The following PELI3 variants were observed in gnomAD, a reference collection of about 807,000 sequenced individuals.
PELI3 encodes E3 ubiquitin-protein ligase pellino homolog 3.
PELI3 carries 19 observed loss-of-function variants against 35.5 expected under a neutral mutation model. The ratio of observed to expected loss-of-function variants is 0.54; its 90% confidence interval spans 0.37 to 0.79. PELI3 has a LOEUF of 0.79. PELI3 is among the 30% of genes least tolerant of loss of function. PELI3 has a pLI of 0.00. For synonymous variants in PELI3, 262 were observed against 279.2 expected (o/e 0.94, Z 0.62); for missense variants, 490 against 661.2 (o/e 0.74, Z 2.84).
chr11:66,476,158 G>T lies in PELI3; in HGVS notation c.1401G>T (p.Pro467=), dbSNP rs745997594. ...GCGTCCGCCTCATTTTCCAGGGCCC[G>T]CTGGATTAGGCTCCCTGGGGCCCCC... ...HGCVRLIFQG[P]LD Residue 467 remains proline (P), a synonymous_variant, in exon 8 of 8, where the codon CCG becomes CCT. Coordinates refer to ENST00000320740, the MANE Select transcript of PELI3 (RefSeq NM_145065.3). 5.2e-6 allele frequency: 8 copies of T among 1,546,582 alleles called. No homozygotes were observed. In the African/African-American group the frequency reaches 5.4e-5, roughly 11 times the overall value.
In PELI3 at chr11:66,472,478, C is replaced by CA; in HGVS notation, c.456+9dup. 1 of 1,609,192 alleles carries CA rather than the reference C, an allele frequency of 6.2e-7. No homozygotes were observed. Among genetic ancestry groups the CA allele is most frequent in the East Asian group, 2.2e-5 (1 of 44,868 alleles). On this transcript the variant is annotated intron_variant, in intron 5 of 7. Transcript: ENST00000320740. Reference sequence around the variant, plus strand: ...GACACAGACATGTTCCAGGTATGCTCAGGCCTCTCCACACACCTCCTGGCC... The same window carrying CA: ...GACACAGACATGTTCCAGGTATGCTCAAGGCCTCTCCACACACCTCCTGGCC...
chr11:66,472,535 G>A, intron 5 of PELI3, 65 bp downstream of exon 5: 1 of 1,394,548 alleles, frequency 7.2e-7, no homozygotes, highest in Non-Finnish European at 1.0e-6. Flanking sequence ...AGCATTTCAG[G>A]TGAGGCTACG....
chr11:66,476,175 G>T lies in PELI3; in HGVS notation c.*8G>T, dbSNP rs779064973. On this transcript the variant is annotated 3_prime_UTR_variant, in exon 8 of 8. Transcript: ENST00000320740. ...CAGGGCCCGCTGGATTAGGCTCCCT[G>T]GGGCCCCCTGCTGCTGTGCCCACCT... The T allele has an allele frequency of 7.8e-6, 12 of 1,535,852 alleles. No homozygotes were observed. In the South Asian group the frequency reaches 1.4e-4, roughly 18 times the overall value.
Position 66,473,874 on chromosome 11 carries a change from G to T in PELI3, c.789G>T (p.Gly263=), listed in dbSNP as rs1380658305. ...TCTGGCGGGAGATCTCGGTCTGTGG[G>T]AATGTGTACACATTGCGGGACAGCC... The part of the protein sequence containing the change: ...PGVWREISVC[G]NVYTLRDSRS... Residue 263 remains glycine (G), a synonymous_variant, in exon 7 of 8, where the codon GGG becomes GGT. Transcript: ENST00000320740. This position sits in a 1 kb window ranked among gnomAD's most constrained non-coding sequence, Gnocchi z 5.8. 6.2e-7 allele frequency: 1 copy of T among 1,613,774 alleles called. No homozygotes were observed. Among genetic ancestry groups the T allele is most frequent in the Non-Finnish European group, 8.5e-7 (1 of 1,180,012 alleles).
chr11:66,471,485 T>C, intron 4 of PELI3, 114 bp downstream of exon 4: 3 of 1,370,280 alleles, frequency 2.2e-6, no homozygotes, highest in Non-Finnish European at 2.0e-6. Context: ...GGGAGCCCAC[T>C]TTGTGTCATC....
Position 66,475,891 on chromosome 11 carries a change from C to T in PELI3, c.1134C>T (p.Gly378=), listed in dbSNP as rs755270762. Residue 378 remains glycine, a synonymous_variant, in exon 8 of 8, where the codon GGC becomes GGT. Transcript: ENST00000320740. ...GCTGGGGCTGCCGGCGGGAGCGGGG[C>T]CCCCAGGAGCGCGAATGTCCTCTCT... The part of the protein sequence containing the change: ...YHGWGCRRER[G]PQERECPLCR... 1.2e-5 allele frequency: 20 copies of T among 1,601,520 alleles called. No homozygotes were observed. The highest frequency in any genetic ancestry group is 2.2e-5 in the South Asian group (2 of 90,250).
At position 66,476,315 on chromosome 11, in the gene PELI3, A is replaced by G. The variant is rs952147926; in HGVS notation, c.*148A>G. On this transcript the variant is annotated 3_prime_UTR_variant, in exon 8 of 8. Transcript: ENST00000320740. The stretch of plus-strand genomic sequence containing the variant: ...TGGATGGGCTGTGCCCTTCCCCCCA[A>G]CTGTGGCCCCCCAAGGAGGTCCCCA... 1.0e-5 allele frequency: 9 copies of G among 877,936 alleles called. No individual in the cohort carries two copies. The highest frequency in any genetic ancestry group is 1.5e-5 in the Non-Finnish European group (9 of 592,336). 54.4% of individuals were successfully genotyped at this position (877,936 alleles called of 1,614,324 possible).
rs761939299 is a variant in PELI3, at chr11:66,475,762, C to T, written c.1005C>T (p.Gly335=). The change falls in exon 8 of 8, where the codon GGC becomes GGT. Residue 335 remains glycine, a synonymous_variant. Transcript: ENST00000320740. ...CAGCGCGGCCCCAGTGCCCCGTGGG[C>T]CTCAGCACTCTGGCCTTCCCCAGCC... ...ANAARPQCPV[G]LSTLAFPSPA... 7.5e-6 allele frequency: 12 copies of T among 1,610,496 alleles called. No homozygotes were observed. In the East Asian group the frequency reaches 1.3e-4, roughly 18 times the overall value.
chr11:66,471,203 C>T (rs765627235), intron 3 of PELI3, 39 bp from the exon 4 acceptor site: 10 of 1,582,186 alleles, frequency 6.3e-6, no homozygotes, highest in Admixed American at 3.4e-5. Context: ...TCTCTCTCTC[C>T]TCTTGCAACC....
upstream of PELI3, chr11:66,466,708 C>T (rs934394847): frequency 7.2e-5 from 11 of 152,246 alleles, no homozygotes; most frequent in African/African-American, 2.7e-4. Context: ...CTTCCCTGGT[C>T]AGAGGGCGGT....
rs377270939 is a variant in PELI3, at chr11:66,473,802, G to A, written c.717G>A (p.Leu239=). 20 of 1,613,864 alleles carry A rather than the reference G, an allele frequency of 1.2e-5. No homozygotes were observed. The highest frequency in any genetic ancestry group is 1.7e-5 in the Non-Finnish European group (20 of 1,180,018). ...ATGGACTGACCACCAATGGAGTCCT[G>A]GTGATGCACCCGGCAGGCGGCTTCT... The part of the protein sequence containing the change: ...LMDGLTTNGV[L]VMHPAGGFSE... The change falls in exon 7 of 8, where the codon CTG becomes CTA. Residue 239 remains leucine, a synonymous_variant. Transcript: ENST00000320740. The surrounding 1 kb of genome is among the most constrained non-coding windows in gnomAD (Gnocchi z 5.8).
intron 3 of PELI3, among the ~76,000 whole-genome samples, chr11:66,470,238 G>A (rs769152644): frequency 6.6e-6 from 1 of 152,150 alleles, no homozygotes; most frequent in African/African-American, 2.4e-5. Flanking sequence ...TCCTCAGCCT[G>A]GAGTTCAGAG....
chr11:66,473,877 T>C lies in PELI3; in HGVS notation c.792T>C (p.Asn264=). The part of the protein sequence containing the change: ...GVWREISVCG[N]VYTLRDSRSA... ...GGCGGGAGATCTCGGTCTGTGGGAA[T>C]GTGTACACATTGCGGGACAGCCGCT... The change falls in exon 7 of 8, where the codon AAT becomes AAC. Residue 264 remains asparagine, a synonymous_variant. Coordinates refer to ENST00000320740, the MANE Select transcript of PELI3 (RefSeq NM_145065.3). The surrounding 1 kb of genome is among the most constrained non-coding windows in gnomAD (Gnocchi z 5.8). 1.2e-6 allele frequency: 2 copies of C among 1,613,702 alleles called. No homozygotes were observed. Among genetic ancestry groups the C allele is most frequent in the South Asian group, 1.1e-5 (1 of 91,080 alleles).
chr11:66,472,199 G>A (rs1854745996), intron 4 of PELI3, 170 bp from the exon 5 acceptor site: 4 of 585,782 alleles, frequency 6.8e-6, no homozygotes, highest in Non-Finnish European at 9.2e-6. Flanking sequence ...TAGGGTGACT[G>A]TAGGGCTTAA....
rs964115786 is a variant in PELI3 at position 66,473,621 on chromosome 11, A to G, written c.652-116A>G. The G allele has an allele frequency of 2.8e-6, 4 of 1,414,224 alleles. No individual in the cohort carries two copies. The African/African-American group carries it at 5.8e-5, about 20-fold the overall frequency. The allele number at this position is 1,414,224 out of a possible 1,614,324, so 87.6% of individuals were successfully genotyped here. On this transcript the variant is annotated intron_variant, in intron 6 of 7. Transcript: ENST00000320740. This position sits in a 1 kb window ranked among gnomAD's most constrained non-coding sequence, Gnocchi z 5.8. The stretch of plus-strand genomic sequence containing the variant: ...GAGACGCTCAAGTCATGCAGCTTCA[A>G]TGCCAGTCCTCTCTGGGCCGCCTCT...
Position 66,473,629 on chromosome 11 carries a change from C to T in PELI3, c.652-108C>T, listed in dbSNP as rs2134696249. ...CAAGTCATGCAGCTTCAATGCCAGTCCTCTCTGGGCCGCCTCTGAACTTGA... is the reference window on the plus strand; with the variant it reads ...CAAGTCATGCAGCTTCAATGCCAGTTCTCTCTGGGCCGCCTCTGAACTTGA... On this transcript the variant is annotated intron_variant, in intron 6 of 7. Coordinates refer to ENST00000320740, the MANE Select transcript of PELI3 (RefSeq NM_145065.3). The surrounding 1 kb of genome is among the most constrained non-coding windows in gnomAD (Gnocchi z 5.8). The T allele has an allele frequency of 6.9e-7, 1 of 1,444,614 alleles. No individual in the cohort carries two copies. The highest frequency in any genetic ancestry group is 2.3e-5 in the East Asian group (1 of 42,572). The allele number at this position is 1,444,614 out of a possible 1,614,324, so 89.5% of individuals were successfully genotyped here.
At chr11:66,469,289 G>A (rs551868890) in intron 3 of PELI3, among the ~76,000 whole-genome samples, 4 of 151,300 alleles carry the variant, frequency 2.6e-5, no homozygotes, top group South Asian at 2.1e-4. Context: ...ACTTATCAAG[G>A]GCTTCCTATA....
rs185436072 is a variant in PELI3 at position 66,472,006 on chromosome 11, T to C, written c.355-363T>C. Among the ~76,000 whole-genome samples the C allele has an allele frequency of 5.9e-4, 89 of 151,642 alleles. 3 individuals carry two copies. In the East Asian group the frequency reaches 0.017, roughly 29 times the overall value. ...TCCCGAGTAGCTGGGACTACAGGCG[T>C]GTACCACCACACCCAGCTAATTTTT... On this transcript the variant is annotated intron_variant, in intron 4 of 7. Coordinates refer to ENST00000320740, the MANE Select transcript of PELI3 (RefSeq NM_145065.3).
intron 4 of PELI3, 124 bp downstream of exon 4, chr11:66,471,495 C>A: frequency 7.7e-7 from 1 of 1,292,966 alleles, no homozygotes; most frequent in Non-Finnish European, 1.1e-6. Flanking sequence ...TTTGTGTCAT[C>A]ACTCACTGCT....
Sources: gnomAD v4.1 joint callset for allele counts (sites outside exome capture counted in the v4.1 genomes callset) on GRCh38, gnomAD v4.1.1 for gene constraint, Gnocchi (gnomAD v3.1) non-coding constraint, MANE v1.5 for transcripts, NCBI Gene and HGNC (gene_info 2026-07-23, HGNC 2026-07-21) for gene names.